The following SGCD variants were observed in gnomAD, a reference collection of about 807,000 sequenced individuals.
The protein encoded by SGCD is delta-sarcoglycan.
SGCD carries 18 observed loss-of-function variants against 36.6 expected under a neutral mutation model. That is an observed-to-expected ratio of 0.49 (90% CI 0.34 to 0.73). SGCD has a LOEUF of 0.73. Among genes scored for constraint, SGCD ranks in the 30% least tolerant of loss-of-function variants. The pLI is 0.01. For missense variants in SGCD, 387 were observed against 346.7 expected (o/e 1.12, Z -0.92); for synonymous variants, 133 against 130.6 (o/e 1.02, Z -0.12).
intron 1 of SGCD, among the ~76,000 whole-genome samples, chr5:155,998,591 G>A (rs80150359): frequency 0.016 from 2,389 of 152,226 alleles, 26 homozygotes; most frequent in Middle Eastern, 0.041. Context: ...GTGGCACATC[G>A]TTCTCTGTGG....
chr5:156,185,947 C>T (rs1182715470), intron 3 of SGCD, among the ~76,000 whole-genome samples: 1 of 144,094 alleles, frequency 6.9e-6, no homozygotes, highest in Non-Finnish European at 1.5e-5. Flanking sequence ...CAGAACTCTT[C>T]AGGACTTGGG....
At position 156,163,628 on chromosome 5, in the gene SGCD, C is replaced by T. The variant is rs1269250869; in HGVS notation, c.-44+39609C>T. ...CTGACTCCTTATGCTGAAATTTACT[C>T]CATTACCTCAAAGCTATGACCAGGC... On this transcript the variant is annotated intron_variant, in intron 3 of 9. Transcript: ENST00000517913. Among the ~76,000 whole-genome samples, 3 of 151,512 alleles carry T rather than the reference C, an allele frequency of 2.0e-5. 1 individual carries two copies. The highest frequency in any genetic ancestry group is 1.3e-4 in the Admixed American group (2 of 15,254).
chr5:156,624,932 T>C (rs1357574609), intron 6 of SGCD, among the ~76,000 whole-genome samples: 1 of 152,200 alleles, frequency 6.6e-6, no homozygotes, highest in Admixed American at 6.5e-5. Context: ...GTAGCATTAG[T>C]TACAACCAGA....
chr5:155,900,100 T>G (rs1419835694), intron 1 of SGCD, among the ~76,000 whole-genome samples: 1 of 152,210 alleles, frequency 6.6e-6, no homozygotes, highest in Non-Finnish European at 1.5e-5. Flanking sequence ...GTGTGATTTT[T>G]TTGGATTTAT....
chr5:156,124,944 A>G (rs540954581), intron 3 of SGCD, among the ~76,000 whole-genome samples: 57 of 152,282 alleles, frequency 3.7e-4, no homozygotes, highest in African/African-American at 1.3e-3. Context: ...AAGATTTTCT[A>G]AGACTGTGTA....
intron 6 of SGCD, among the ~76,000 whole-genome samples, chr5:156,606,599 A>G (rs560178115): frequency 6.6e-6 from 1 of 152,160 alleles, no homozygotes; most frequent in African/African-American, 2.4e-5. Flanking sequence ...CATTGGTAGC[A>G]TGATGGGAAT....
intron 3 of SGCD, among the ~76,000 whole-genome samples, chr5:156,303,969 T>G (rs529911808): frequency 6.6e-6 from 1 of 152,108 alleles, no homozygotes; most frequent in African/African-American, 2.4e-5. Context: ...CTGCCCTGGC[T>G]GGTGTCTCGC....
At chr5:156,228,879 A>G (rs1478922550) in intron 3 of SGCD, among the ~76,000 whole-genome samples, 1 of 152,104 alleles carries the variant, frequency 6.6e-6, no homozygotes, top group Non-Finnish European at 1.5e-5. Flanking sequence ...GATTGGACTG[A>G]AGGACGCAAA....
intron 3 of SGCD, among the ~76,000 whole-genome samples, chr5:156,154,977 A>T (rs1042317212): frequency 6.6e-6 from 1 of 151,682 alleles, no homozygotes. Flanking sequence ...TGCAGGGATG[A>T]GGCAGGGAAT....
chr5:156,694,194 C>T (rs897293826), intron 7 of SGCD, among the ~76,000 whole-genome samples: 4 of 152,256 alleles, frequency 2.6e-5, no homozygotes, highest in South Asian at 2.1e-4. Flanking sequence ...GGAGCTTTGG[C>T]GTCTAAACTG....
intron 3 of SGCD, among the ~76,000 whole-genome samples, chr5:156,291,279 C>A (rs750271514): frequency 1.2e-4 from 19 of 152,006 alleles, no homozygotes; most frequent in Non-Finnish European, 2.6e-4. Flanking sequence ...AAGAAATATT[C>A]AATACTCAAG....
At chr5:156,215,220 A>G (rs576098039) in intron 3 of SGCD, among the ~76,000 whole-genome samples, 2 of 152,246 alleles carry the variant, frequency 1.3e-5, no homozygotes, top group Admixed American at 1.3e-4. Flanking sequence ...CAGATAAGGG[A>G]TATTCAACCC....
intron 1 of SGCD, among the ~76,000 whole-genome samples, chr5:156,019,023 TA>T (rs1176170425): frequency 4.6e-5 from 7 of 152,250 alleles, no homozygotes; most frequent in African/African-American, 1.4e-4. Flanking sequence ...AGAGAGACGT[TA>T]AATTTGTCAT....
intron 1 of SGCD, among the ~76,000 whole-genome samples, chr5:155,873,575 A>G (rs991675553): frequency 1.3e-5 from 2 of 152,170 alleles, no homozygotes; most frequent in South Asian, 2.1e-4. Context: ...TAATGGATAC[A>G]ATGCACACTA....
chr5:155,756,114 C>G, the SGCD span, among the ~76,000 whole-genome samples: 1 of 152,172 alleles, frequency 6.6e-6, no homozygotes, highest in African/African-American at 2.4e-5. Flanking sequence ...GCTGCATGAC[C>G]TTGTGAACTT....
intron 6 of SGCD, among the ~76,000 whole-genome samples, chr5:156,631,514 T>A (rs1386728079): frequency 6.6e-6 from 1 of 151,144 alleles, no homozygotes; most frequent in Non-Finnish European, 1.5e-5. Context: ...AAGAACATAC[T>A]CTTTGGCACT....
chr5:156,431,074 C>T (rs1752988102), intron 3 of SGCD, among the ~76,000 whole-genome samples: 1 of 152,080 alleles, frequency 6.6e-6, no homozygotes, highest in Admixed American at 6.5e-5. Context: ...TGGGGGAGCT[C>T]TCAATTAGAT....
chr5:156,602,867 A>G (rs959754205), intron 6 of SGCD, among the ~76,000 whole-genome samples: 4 of 152,070 alleles, frequency 2.6e-5, no homozygotes, highest in Non-Finnish European at 5.9e-5. Flanking sequence ...GAAATTTTGT[A>G]TCTATGTTCG....
chr5:156,352,341 C>T (rs1580860652), intron 3 of SGCD, among the ~76,000 whole-genome samples: 1 of 152,324 alleles, frequency 6.6e-6, no homozygotes, highest in African/African-American at 2.4e-5. Flanking sequence ...AAGTAGATAG[C>T]AAAGTTTTCT....
Sources: gnomAD v4.1 joint callset for allele counts (sites outside exome capture counted in the v4.1 genomes callset) on GRCh38, gnomAD v4.1.1 for gene constraint, MANE v1.5 for transcripts, NCBI Gene and HGNC (gene_info 2026-07-23, HGNC 2026-07-21) for gene names.